CPM: variants seen among roughly 807,000 people sequenced by gnomAD.
The protein encoded by CPM is carboxypeptidase M, also known as renal carboxypeptidase.
In CPM, 35 loss-of-function variants were observed where a neutral mutation model predicts 46.4. That is an observed-to-expected ratio of 0.75 (90% CI 0.58 to 1.00). CPM has a LOEUF of 1.00. Among genes scored for constraint, CPM ranks in the 50% least tolerant of loss-of-function variants. The pLI, the probability that CPM is intolerant of heterozygous loss-of-function variation, is 0.00. For missense variants in CPM, 422 were observed against 530.4 expected (o/e 0.80, Z 2.01); for synonymous variants, 195 against 195.3 (o/e 1.00, Z 0.01).
intron 2 of CPM, among the ~76,000 whole-genome samples, chr12:68,907,386 TAA>T (rs74375331): frequency 0.099 from 15,064 of 152,172 alleles, 828 homozygotes; most frequent in East Asian, 0.17. Flanking sequence ...GCAACTTATT[TAA>T]CTCTCTGGAG....
At chr12:68,900,292 C>T (rs2136277118) in intron 2 of CPM, among the ~76,000 whole-genome samples, 1 of 152,264 alleles carries the variant, frequency 6.6e-6, no homozygotes, top group East Asian at 1.9e-4. Context: ...TCATATGTCA[C>T]ATCATATGTC....
At chr12:68,844,019 ATG>A (rs1884045172) in intron 5 of CPM, 1 of 207,060 alleles carries the variant, frequency 4.8e-6, no homozygotes, top group African/African-American at 2.3e-5. Flanking sequence ...GGTAGCATAA[ATG>A]TGATTATAAA....
At chr12:68,919,657 T>C (rs1358530850) in intron 2 of CPM, among the ~76,000 whole-genome samples, 1 of 152,228 alleles carries the variant, frequency 6.6e-6, no homozygotes, top group Non-Finnish European at 1.5e-5. Context: ...CAAGTCCAAC[T>C]AAAAAGTTCG....
chr12:68,870,104 C>T (rs1225106704), intron 5 of CPM, 111 bp downstream of exon 5: 9 of 1,109,936 alleles, frequency 8.1e-6, no homozygotes, highest in Non-Finnish European at 1.0e-5. Flanking sequence ...CTCTTTTCAC[C>T]CTGCCAGAGA....
chr12:68,879,246 C>T (rs1886087684), intron 3 of CPM, among the ~76,000 whole-genome samples: 1 of 152,220 alleles, frequency 6.6e-6, no homozygotes, highest in African/African-American at 2.4e-5. Flanking sequence ...TCAATAGTTA[C>T]TCCTACAGTA....
At chr12:68,946,028 T>C (rs1362940529) in intron 1 of CPM, among the ~76,000 whole-genome samples, 1 of 151,664 alleles carries the variant, frequency 6.6e-6, no homozygotes, top group Non-Finnish European at 1.5e-5. Flanking sequence ...AATTTTTAAA[T>C]AATTTTTTGT....
Position 68,941,814 on chromosome 12 carries a change from C to T in CPM, c.-3-8974G>A, listed in dbSNP as rs79315637. ...AAACCTACCTCCTTCAAAGTAGCTC[C>T]CCCAACTCAGATCAGTACCCCCAGC... is the stretch of plus-strand genomic sequence containing the variant. On this transcript the variant is annotated intron_variant, in intron 1 of 8. Transcript: ENST00000546373. Among the ~76,000 whole-genome samples the T allele has an allele frequency of 8.8e-3, 1,344 of 152,274 alleles. 28 individuals are homozygous for T. Among genetic ancestry groups the T allele is most frequent in the African/African-American group, 0.03 (1,260 of 41,550 alleles).
intron 2 of CPM, among the ~76,000 whole-genome samples, chr12:68,899,293 A>C (rs1182925339): frequency 6.6e-6 from 1 of 152,252 alleles, no homozygotes; most frequent in Admixed American, 6.5e-5. Context: ...CAAGGACTGA[A>C]TCTCATTCAG....
At chr12:68,938,366 T>A (rs547390044) in intron 1 of CPM, among the ~76,000 whole-genome samples, 2 of 151,746 alleles carry the variant, frequency 1.3e-5, no homozygotes, top group South Asian at 4.2e-4. Context: ...CGCATGGCAC[T>A]CCATTCTGGG....
At chr12:68,904,539 T>G (rs1300526035) in intron 2 of CPM, among the ~76,000 whole-genome samples, 1 of 152,220 alleles carries the variant, frequency 6.6e-6, no homozygotes, top group African/African-American at 2.4e-5. Flanking sequence ...GGCAACAAGA[T>G]TCGCCAAGGT....
rs151274349 is a variant in CPM at position 68,916,639 on chromosome 12, C to T, written c.160+16039G>A. Reference sequence around the variant, plus strand: ...GGCACGGTGGTGCATGCCTGTAATCCCAGCACTTTGGGAGGCTGAGGCAGG... The same window carrying T: ...GGCACGGTGGTGCATGCCTGTAATCTCAGCACTTTGGGAGGCTGAGGCAGG... On this transcript the variant is annotated intron_variant, in intron 2 of 8. Coordinates refer to ENST00000551568, the MANE Select transcript of CPM (RefSeq NM_198320.5). 5.7e-3 allele frequency among the ~76,000 whole-genome samples: 864 copies of T among 152,026 alleles called. 14 individuals carry two copies. Among genetic ancestry groups the T allele is most frequent in the African/African-American group, 0.019 (797 of 41,460 alleles).
At chr12:68,860,059 T>C (rs1247901135) in intron 7 of CPM, among the ~76,000 whole-genome samples, 2 of 152,186 alleles carry the variant, frequency 1.3e-5, no homozygotes, top group Admixed American at 6.5e-5. Context: ...ACGTAACAGT[T>C]TCCCCCAGAA....
intron 2 of CPM, among the ~76,000 whole-genome samples, chr12:68,927,225 G>A (rs1189504737): frequency 1.3e-5 from 2 of 151,306 alleles, no homozygotes; most frequent in Non-Finnish European, 2.9e-5. Flanking sequence ...TCCAGCACCT[G>A]TTGTTTCCTG....
intron 4 of CPM, among the ~76,000 whole-genome samples, chr12:68,871,114 C>T (rs1885674832): frequency 6.6e-6 from 1 of 152,196 alleles, no homozygotes; most frequent in Non-Finnish European, 1.5e-5. Flanking sequence ...CCTCCCAAGG[C>T]AGCTTGAAAC....
At chr12:68,935,715 A>G (rs900820330), upstream of CPM, among the ~76,000 whole-genome samples, 3 of 151,246 alleles carry the variant, frequency 2.0e-5, no homozygotes, top group Non-Finnish European at 2.9e-5. Flanking sequence ...TTTCCCTTTC[A>G]TTGTTGTTCA....
chr12:68,888,154 A>C (rs935054258), intron 2 of CPM, among the ~76,000 whole-genome samples: 1 of 152,250 alleles, frequency 6.6e-6, no homozygotes, highest in Non-Finnish European at 1.5e-5. Flanking sequence ...AAGCAAGGAC[A>C]AAATTTCAGT....
intron 3 of CPM, among the ~76,000 whole-genome samples, chr12:68,878,559 G>A (rs181424758): frequency 2.6e-5 from 4 of 152,114 alleles, no homozygotes; most frequent in East Asian, 1.9e-4. Flanking sequence ...CTATGATTTC[G>A]TCTCCGACCT....
chr12:68,930,326 C>T (rs1481593817), intron 2 of CPM, among the ~76,000 whole-genome samples: 1 of 152,242 alleles, frequency 6.6e-6, no homozygotes, highest in Non-Finnish European at 1.5e-5. Context: ...AGGTGATCCT[C>T]CCGCCTCGGC....
intron 2 of CPM, among the ~76,000 whole-genome samples, chr12:68,925,385 T>C (rs898108942): frequency 6.6e-6 from 1 of 152,110 alleles, no homozygotes; most frequent in African/African-American, 2.4e-5. Flanking sequence ...AAACTGAGAA[T>C]CCGGAATTTG....
Sources: allele counts gnomAD v4.1 joint callset (sites outside exome capture counted in the v4.1 genomes callset), GRCh38; gene constraint gnomAD v4.1.1; transcripts MANE v1.5; gene names NCBI Gene and HGNC (gene_info 2026-07-23, HGNC 2026-07-21).